RAB6A: variants seen among roughly 807,000 people sequenced by gnomAD.
The protein encoded by RAB6A is ras-related protein Rab-6A.
A neutral mutation model predicts 32.3 loss-of-function variants in RAB6A; 8 were observed. The observed-to-expected ratio is 0.25, with a 90% CI of 0.15 to 0.45. RAB6A has a LOEUF of 0.45. Among genes scored for constraint, RAB6A ranks in the 20% least tolerant of loss-of-function variants. RAB6A has a pLI of 1.00. For synonymous variants in RAB6A, 73 were observed against 82.1 expected (o/e 0.89, Z 0.60); for missense variants, 104 against 249.4 (o/e 0.42, Z 3.93).
chr11:73,749,298 G>A (rs966844536), intron 1 of RAB6A, among the ~76,000 whole-genome samples: 2 of 152,024 alleles, frequency 1.3e-5, no homozygotes, highest in South Asian at 2.1e-4. Context: ...TTATATAAGC[G>A]GGAGTTAAGC....
intron 6 of RAB6A, among the ~76,000 whole-genome samples, chr11:73,685,593 T>TCTTTTTTTTTTTTTTTTTTTTTTTTTAA (rs1555054180): frequency 3.0e-4 from 44 of 146,948 alleles, no homozygotes; most frequent in Non-Finnish European, 3.4e-4. Context: ...GGACTGAAAG[T>TCTTTTTTTTTTTTTTTTTTTTTTTTTAA]AGCGACCAGG....
chr11:73,693,788 G>A (rs1945614309), intron 6 of RAB6A, among the ~76,000 whole-genome samples: 1 of 151,880 alleles, frequency 6.6e-6, no homozygotes, highest in East Asian at 1.9e-4. Flanking sequence ...TGAAGTAGGA[G>A]GACTGCTTGA....
At chr11:73,725,567 A>G (rs1241473576) in intron 2 of RAB6A, among the ~76,000 whole-genome samples, 1 of 152,220 alleles carries the variant, frequency 6.6e-6, no homozygotes, top group African/African-American at 2.4e-5. Flanking sequence ...GCAACAACAG[A>G]GAATCAGAAG....
rs934817093 is a variant in RAB6A, at chr11:73,707,606, T to C, written c.402-93A>G. Reference sequence around the variant, plus strand: ...GCTCTGAAAATAACTTTCCTTGATATAAGGACTGGTTATACAGGTCACATT... The same window carrying C: ...GCTCTGAAAATAACTTTCCTTGATACAAGGACTGGTTATACAGGTCACATT... On this transcript the variant is annotated intron_variant, in intron 5 of 7. Coordinates refer to ENST00000336083, the MANE Select transcript of RAB6A (RefSeq NM_198896.2). 3 of 887,326 alleles carry C rather than the reference T, an allele frequency of 3.4e-6. No homozygotes were observed. The Admixed American group carries it at 6.2e-5, about 18-fold the overall frequency. The allele number at this position is 887,326 out of a possible 1,614,324, so 55.0% of individuals were successfully genotyped here. A position where few individuals can be genotyped will look rare whatever the true frequency, so the allele number is the denominator to read the frequency against.
chr11:73,714,209 A>AAAATATATAT (rs35864471), intron 5 of RAB6A, among the ~76,000 whole-genome samples: 12 of 57,570 alleles, frequency 2.1e-4, no homozygotes, highest in African/African-American at 3.1e-4. Context: ...AAAAAAAAAA[A>AAAATATATAT]ATATATATAT....
intron 4 of RAB6A, among the ~76,000 whole-genome samples, chr11:73,718,109 TA>T (rs958967204): frequency 1.3e-5 from 2 of 152,110 alleles, no homozygotes; most frequent in African/African-American, 2.4e-5. Flanking sequence ...ATGATTCAAA[TA>T]AAAAAGATTA....
chr11:73,711,777 T>C (rs1387575727), intron 5 of RAB6A, among the ~76,000 whole-genome samples: 1 of 152,216 alleles, frequency 6.6e-6, no homozygotes, highest in Non-Finnish European at 1.5e-5. Flanking sequence ...CTTATAGCCT[T>C]GCTATCAGAA....
chr11:73,740,426 T>C (rs1441456788), intron 1 of RAB6A, among the ~76,000 whole-genome samples: 1 of 152,150 alleles, frequency 6.6e-6, no homozygotes, highest in South Asian at 2.1e-4. Flanking sequence ...GCGTCTCACC[T>C]AGGTGATGCA....
intron 1 of RAB6A, among the ~76,000 whole-genome samples, chr11:73,740,896 A>AG (rs1041404625): frequency 4.8e-5 from 7 of 145,012 alleles, no homozygotes; most frequent in Non-Finnish European, 9.0e-5. Context: ...TTTAAAAAAA[A>AG]GAAAAAAAAA....
chr11:73,729,272 T>C (rs1369555296), intron 2 of RAB6A, among the ~76,000 whole-genome samples: 1 of 152,176 alleles, frequency 6.6e-6, no homozygotes, highest in African/African-American at 2.4e-5. Context: ...CTAATTTTTG[T>C]ATTCTTAGTA....
intron 1 of RAB6A, among the ~76,000 whole-genome samples, chr11:73,731,538 C>CAA (rs542226534): frequency 2.7e-4 from 20 of 75,418 alleles, no homozygotes; most frequent in Middle Eastern, 8.6e-3. Context: ...GACTCCGTCT[C>CAA]AAAAAAAAAA....
intron 6 of RAB6A, among the ~76,000 whole-genome samples, chr11:73,685,724 C>CA (rs371682393): frequency 0.052 from 6,977 of 134,512 alleles, 209 homozygotes; most frequent in Middle Eastern, 0.1. Flanking sequence ...ATTAAAAATA[C>CA]AAAAAAAAAA....
At position 73,676,724 on chromosome 11, in the gene RAB6A, G is replaced by C. The variant is rs1945274531; in HGVS notation, c.*1174C>G. ...TGCTTTACCTGATCTGCCTCTAGGG[G>C]CTTACAAGAAAACGGTTTCCGGTTT... On this transcript the variant is annotated 3_prime_UTR_variant, in exon 8 of 8. Coordinates refer to ENST00000336083, the MANE Select transcript of RAB6A (RefSeq NM_198896.2). 6.0e-6 allele frequency: 1 copy of C among 166,986 alleles called. No individual in the cohort carries two copies. The highest frequency in any genetic ancestry group is 6.6e-5 in the Admixed American group (1 of 15,258). 10.3% of individuals were successfully genotyped at this position (166,986 alleles called of 1,614,324 possible).
chr11:73,751,746 GACTT>G (rs1423105458), intron 1 of RAB6A, among the ~76,000 whole-genome samples: 2 of 152,116 alleles, frequency 1.3e-5, no homozygotes, highest in Non-Finnish European at 1.5e-5. Context: ...TGTATGTTAT[GACTT>G]CAAACCCTCT....
At chr11:73,716,227 C>A (rs756663070) in intron 5 of RAB6A, 24 bp downstream of exon 5, 2 of 1,516,634 alleles carry the variant, frequency 1.3e-6, no homozygotes. Context: ...TCAAACATTA[C>A]ACACATATAA....
intron 6 of RAB6A, chr11:73,704,106 G>T: frequency 3.5e-6 from 1 of 288,586 alleles, no homozygotes; most frequent in South Asian, 3.0e-5. Flanking sequence ...AAATCGACCA[G>T]GCAGAGGGGC....
chr11:73,756,498 G>A lies in RAB6A; in HGVS notation c.70+4068C>T, dbSNP rs533769975. On this transcript the variant is annotated intron_variant, in intron 1 of 7. Coordinates refer to ENST00000336083, the MANE Select transcript of RAB6A (RefSeq NM_198896.2). Reference sequence around the variant, plus strand: ...AAAAACAGTAGTAGGCTGAGTATGCGCTTCTCTCTGCCATTACATCTCCTA... The same window carrying A: ...AAAAACAGTAGTAGGCTGAGTATGCACTTCTCTCTGCCATTACATCTCCTA... Among the ~76,000 whole-genome samples the A allele has an allele frequency of 2.0e-5, 3 of 152,214 alleles. No homozygotes were observed. The South Asian group carries it at 6.2e-4, about 32-fold the overall frequency.
At position 73,760,944 on chromosome 11, in the gene RAB6A, C is replaced by G. The variant is rs1946836079; in HGVS notation, c.-309G>C. The G allele has an allele frequency of 3.1e-6, 1 of 324,912 alleles. No homozygotes were observed. Among genetic ancestry groups the G allele is most frequent in the African/African-American group, 2.2e-5 (1 of 46,508 alleles). The allele number at this position is 324,912 out of a possible 1,614,324, so 20.1% of individuals were successfully genotyped here. ...GCTAGGGCCGTTCCCTCCTTCCGCA[C>G]TCGGCTCCCAGACCTGGGGAAGAGA... On this transcript the variant is annotated 5_prime_UTR_variant, in exon 1 of 8. Transcript: ENST00000336083.
chr11:73,685,153 A>C (rs1227717076), intron 6 of RAB6A, among the ~76,000 whole-genome samples: 1 of 152,218 alleles, frequency 6.6e-6, no homozygotes, highest in Admixed American at 6.5e-5. Context: ...AGATCATGTA[A>C]TCTTCGTTCC....
Sources: gnomAD v4.1 joint callset for allele counts (sites outside exome capture counted in the v4.1 genomes callset) on GRCh38, gnomAD v4.1.1 for gene constraint, MANE v1.5 for transcripts, NCBI Gene and HGNC (gene_info 2026-07-23, HGNC 2026-07-21) for gene names.